The following WDSUB1 variants were observed in gnomAD, a reference collection of about 807,000 sequenced individuals.
The protein encoded by WDSUB1 is WD repeat, SAM and U-box domain-containing protein 1.
A neutral mutation model predicts 53.9 loss-of-function variants in WDSUB1; 49 were observed. The observed-to-expected ratio is 0.91, with a 90% CI of 0.72 to 1.15. WDSUB1 has a LOEUF of 1.15. Among genes scored for constraint, WDSUB1 ranks in the 50% most tolerant of loss-of-function variants. The pLI, the probability that WDSUB1 is intolerant of heterozygous loss-of-function variation, is 0.00. For missense variants in WDSUB1, 514 were observed against 562.0 expected (o/e 0.91, Z 0.86); for synonymous variants, 194 against 200.6 (o/e 0.97, Z 0.28).
chr2:159,236,644 G>A (rs1223245811), intron 10 of WDSUB1, among the ~76,000 whole-genome samples: 1 of 150,214 alleles, frequency 6.7e-6, no homozygotes, highest in African/African-American at 2.5e-5. Context: ...ACAGCGAAGG[G>A]ACTTAGGTTT....
chr2:159,251,711 A>C (rs149296017), intron 9 of WDSUB1, among the ~76,000 whole-genome samples: 4 of 152,334 alleles, frequency 2.6e-5, no homozygotes, highest in African/African-American at 9.6e-5. Flanking sequence ...GACAAGTTAA[A>C]ATCACCCAAC....
In WDSUB1 at chr2:159,242,147, T is replaced by G. The variant is rs1334269373; in HGVS notation, c.1274-5957A>C. ...CTCACTGCAAGCTCTGCCTCCTGGG[T>G]TCATGCCATTCTCCTGCCTCAGCCT... On this transcript the variant is annotated intron_variant, in intron 10 of 10. Coordinates refer to ENST00000359774, the MANE Select transcript of WDSUB1 (RefSeq NM_001128212.3). Among the ~76,000 whole-genome samples the G allele has an allele frequency of 4.8e-5, 7 of 146,690 alleles. No individual in the cohort carries two copies. In the South Asian group the frequency reaches 6.5e-4, roughly 14 times the overall value.
At chr2:159,243,609 T>C (rs2151051217) in intron 10 of WDSUB1, among the ~76,000 whole-genome samples, 1 of 150,638 alleles carries the variant, frequency 6.6e-6, no homozygotes, top group South Asian at 2.1e-4. Flanking sequence ...AATTTAAAAA[T>C]AAATGTGTGG....
At chr2:159,237,392 G>A (rs937277690) in intron 10 of WDSUB1, among the ~76,000 whole-genome samples, 1 of 152,068 alleles carries the variant, frequency 6.6e-6, no homozygotes, top group African/African-American at 2.4e-5. Context: ...ATGGTGGCAG[G>A]TGCCTGTAAT....
chr2:159,266,898 T>A (rs2061357756), intron 5 of WDSUB1, among the ~76,000 whole-genome samples: 1 of 152,070 alleles, frequency 6.6e-6, no homozygotes, highest in African/African-American at 2.4e-5. Context: ...CTCAGCCTCC[T>A]GAGGAGCTAG....
intron 3 of WDSUB1, among the ~76,000 whole-genome samples, chr2:159,276,063 C>CTT (rs11320567): frequency 4.5e-4 from 66 of 146,168 alleles, no homozygotes; most frequent in African/African-American, 1.2e-3. Flanking sequence ...CAATTTCTTC[C>CTT]TTTTTTTTTT....
rs548784623 is a variant in WDSUB1, at chr2:159,252,573, G to C, written c.1132+3623C>G. 5.9e-5 allele frequency among the ~76,000 whole-genome samples: 9 copies of C among 152,274 alleles called. No homozygotes were observed. In the East Asian group the frequency reaches 1.5e-3, roughly 26 times the overall value. On this transcript the variant is annotated intron_variant, in intron 9 of 10. Coordinates refer to ENST00000359774, the MANE Select transcript of WDSUB1 (RefSeq NM_001128212.3). ...CAGGGAGGGTTATGCCCTTTCAACA[G>C]GGGGTCATTGCACAGTAACTAGATT... is the stretch of plus-strand genomic sequence containing the variant.
intron 2 of WDSUB1, among the ~76,000 whole-genome samples, chr2:159,281,795 G>C (rs1191462706): frequency 1.3e-5 from 2 of 152,178 alleles, no homozygotes; most frequent in Non-Finnish European, 2.9e-5. Flanking sequence ...GGCCAACATG[G>C]GGAAACCCAG....
At chr2:159,237,466 A>C (rs1051742367) in intron 10 of WDSUB1, among the ~76,000 whole-genome samples, 2 of 151,834 alleles carry the variant, frequency 1.3e-5, no homozygotes, top group African/African-American at 4.9e-5. Context: ...GGTTGCAGTG[A>C]GCTGAGATCG....
intron 10 of WDSUB1, among the ~76,000 whole-genome samples, chr2:159,237,475 C>T (rs975134406): frequency 6.6e-6 from 1 of 151,592 alleles, no homozygotes; most frequent in Non-Finnish European, 1.5e-5. Context: ...GAGCTGAGAT[C>T]GCACCACTGC....
chr2:159,245,722 G>A (rs1019210380), intron 10 of WDSUB1, among the ~76,000 whole-genome samples: 15 of 152,060 alleles, frequency 9.9e-5, no homozygotes, highest in Non-Finnish European at 1.9e-4. Flanking sequence ...TATTCATTTA[G>A]GAAAGCCATA....
At chr2:159,247,977 TAAA>T (rs1258358500) in intron 10 of WDSUB1, among the ~76,000 whole-genome samples, 1 of 92,828 alleles carries the variant, frequency 1.1e-5, no homozygotes, top group Non-Finnish European at 2.4e-5. Context: ...CTATGTATAA[TAAA>T]GTATGTAGGT....
At chr2:159,247,886 A>AAT (rs373694392) in intron 10 of WDSUB1, among the ~76,000 whole-genome samples, 1,311 of 63,732 alleles carry the variant, frequency 0.021, 58 homozygotes, top group African/African-American at 0.065. Flanking sequence ...AAATTAAATA[A>AAT]ATATATATAT....
chr2:159,254,719 T>G (rs1405628822), intron 9 of WDSUB1, among the ~76,000 whole-genome samples: 3 of 152,234 alleles, frequency 2.0e-5, no homozygotes, highest in Non-Finnish European at 4.4e-5. Context: ...CCCTTAAGAT[T>G]AATTGTGAGA....
intron 1 of WDSUB1, 27 bp downstream of exon 1, chr2:159,286,555 GC>G (rs1355018619): frequency 6.6e-6 from 1 of 152,338 alleles, no homozygotes; most frequent in Non-Finnish European, 1.5e-5. Flanking sequence ...CCGCCGCTGA[GC>G]CGGCCCGTGG....
chr2:159,256,832 C>T (rs757012095), intron 8 of WDSUB1, among the ~76,000 whole-genome samples: 7 of 152,138 alleles, frequency 4.6e-5, no homozygotes, highest in Non-Finnish European at 7.4e-5. Context: ...CAAAATACAA[C>T]GATAATTTCG....
At chr2:159,276,252 G>T (rs1014538602) in intron 3 of WDSUB1, among the ~76,000 whole-genome samples, 1 of 151,998 alleles carries the variant, frequency 6.6e-6, no homozygotes, top group African/African-American at 2.4e-5. Context: ...AGTAGAGACG[G>T]GGTTTCCCCA....
chr2:159,271,777 T>TTA lies in WDSUB1; in HGVS notation c.693_694dup (p.Lys232IlefsTer5). The TTA allele has an allele frequency of 6.2e-7, 1 of 1,613,960 alleles. No individual in the cohort carries two copies. Among genetic ancestry groups the TTA allele is most frequent in the Non-Finnish European group, 8.5e-7 (1 of 1,179,922 alleles). ...AGCACAGTGCCCACTCAGTGTACTT[T>TTA]TATATTTTAATTCAAAACCTGCAAA... is the stretch of plus-strand genomic sequence containing the variant. On this transcript the variant is annotated frameshift_variant, in exon 5 of 11. Transcript: ENST00000359774. LOFTEE classifies it high-confidence loss of function.
In WDSUB1 at chr2:159,236,003, G is replaced by A; in HGVS notation, c.*30C>T. ...TATAAATCATTCAAATGAGATCACT[G>A]AAAATATAAATAATACAATATCAAC... On this transcript the variant is annotated 3_prime_UTR_variant, in exon 11 of 11. Coordinates refer to ENST00000359774, the MANE Select transcript of WDSUB1 (RefSeq NM_001128212.3). The A allele has an allele frequency of 1.9e-6, 3 of 1,559,026 alleles. No individual in the cohort carries two copies. Among genetic ancestry groups the A allele is most frequent in the Admixed American group, 2.0e-5 (1 of 49,176 alleles).
Sources: gnomAD v4.1 joint callset for allele counts (sites outside exome capture counted in the v4.1 genomes callset) on GRCh38, gnomAD v4.1.1 for gene constraint, MANE v1.5 for transcripts, NCBI Gene and HGNC (gene_info 2026-07-23, HGNC 2026-07-21) for gene names.